Variants in KIF1A observed in about 807,000 individuals in gnomAD.
KIF1A encodes the protein kinesin-like protein KIF1A.
A neutral mutation model predicts 227.3 loss-of-function variants in KIF1A; 46 were observed. The ratio of observed to expected loss-of-function variants is 0.20; its 90% CI spans 0.16 to 0.26. The LOEUF is 0.26. KIF1A is among the 10% of genes least tolerant of loss of function. The pLI is 1.00. For synonymous variants in KIF1A, 1,022 were observed against 1,012.8 expected (o/e 1.01, Z -0.17); for missense variants, 1,683 against 2,485.9 (o/e 0.68, Z 6.87).
chr2:240,725,526 C>G lies in KIF1A; in HGVS notation c.4123-122G>C. Reference sequence around the variant, plus strand: ...AGGCAGCCCCAGGGCCTTCCCAGGGCCTCAGGTGTGGCCTGGACGCAGGCA... The same window carrying G: ...AGGCAGCCCCAGGGCCTTCCCAGGGGCTCAGGTGTGGCCTGGACGCAGGCA... On this transcript the variant is annotated intron_variant, in intron 39 of 48. Transcript: ENST00000498729. This position sits in a 1 kb window ranked among gnomAD's most constrained non-coding sequence, Gnocchi z 5.8. 9.0e-7 allele frequency: 1 copy of G among 1,106,304 alleles called. No individual in the cohort carries two copies. The highest frequency in any genetic ancestry group is 1.3e-6 in the Non-Finnish European group (1 of 779,074). The allele number at this position is 1,106,304 out of a possible 1,614,324, so 68.5% of individuals were successfully genotyped here. A position where few individuals can be genotyped will look rare whatever the true frequency, so the allele number is the denominator to read the frequency against.
At chr2:240,746,203 A>C (rs773191792) in intron 29 of KIF1A, 26 bp from the exon 30 acceptor site, 39 of 1,551,696 alleles carry the variant, frequency 2.5e-5, no homozygotes, top group Non-Finnish European at 3.2e-5. Context: ...CCAGAGTCAG[A>C]GAGAGCCAGG....
intron 10 of KIF1A, among the ~76,000 whole-genome samples, chr2:240,776,229 T>C (rs942552356): frequency 6.6e-6 from 1 of 152,314 alleles, no homozygotes; most frequent in Non-Finnish European, 1.5e-5. Flanking sequence ...GGAGTGCTGA[T>C]GTCACCAGCA....
Position 240,746,046 on chromosome 2 carries a change from G to A in KIF1A, c.3195C>T (p.Thr1065=). ...CTGGGGTGGGCGACCCACCTGAACA[G>A]GTGTTGTTGTTGACTTCATCGGCTG... The part of the protein sequence containing the change: ...GPSADEVNNN[T]CSAVPPEGLL... The change falls in exon 30 of 49, where the codon ACC becomes ACT. Residue 1065 remains threonine, a synonymous_variant. Coordinates refer to ENST00000498729, the MANE Select transcript of KIF1A (RefSeq NM_001244008.2). 6.2e-7 allele frequency: 1 copy of A among 1,607,860 alleles called. No individual in the cohort carries two copies. The highest frequency in any genetic ancestry group is 8.5e-7 in the Non-Finnish European group (1 of 1,177,620).
chr2:240,801,924 A>C (rs1276848418), intron 1 of KIF1A, among the ~76,000 whole-genome samples: 2 of 152,236 alleles, frequency 1.3e-5, no homozygotes, highest in Non-Finnish European at 1.5e-5. Context: ...GGGGAGAAGC[A>C]GTATTTACAA....
intron 1 of KIF1A, among the ~76,000 whole-genome samples, chr2:240,810,884 C>A (rs75196020): frequency 0.12 from 18,317 of 152,152 alleles, 1,472 homozygotes; most frequent in Non-Finnish European, 0.16. Context: ...TGTCCGTCTT[C>A]CTCCCCAGGG....
chr2:240,790,899 A>G lies in KIF1A; in HGVS notation c.107-1587T>C, dbSNP rs2055580793. 6.6e-6 allele frequency among the ~76,000 whole-genome samples: 1 copy of G among 152,156 alleles called. No homozygotes were observed. Among genetic ancestry groups the G allele is most frequent in the South Asian group, 2.1e-4 (1 of 4,824 alleles). On this transcript the variant is annotated intron_variant, in intron 2 of 48. Coordinates refer to ENST00000498729, the MANE Select transcript of KIF1A (RefSeq NM_001244008.2). This position sits in a 1 kb window ranked among gnomAD's most constrained non-coding sequence, Gnocchi z 5.0. The stretch of plus-strand genomic sequence containing the variant: ...CTTCTGGCCTCCAGAATCACGAGAC[A>G]GCACACTTCTGTTTGCGGTGCTTCC...
At chr2:240,796,902 G>A (rs530126093) in intron 2 of KIF1A, among the ~76,000 whole-genome samples, 4 of 152,228 alleles carry the variant, frequency 2.6e-5, no homozygotes, top group South Asian at 2.1e-4. Flanking sequence ...CCCTCGGGAC[G>A]CCCCCCTCCC....
chr2:240,762,640 C>A, intron 23 of KIF1A, 79 bp downstream of exon 23: 1 of 1,424,884 alleles, frequency 7.0e-7, no homozygotes, highest in South Asian at 1.6e-5. Context: ...CCAGTGACCT[C>A]CAGGGAGAGG....
At chr2:240,782,336 A>C (rs2054158640) in intron 10 of KIF1A, among the ~76,000 whole-genome samples, 2 of 146,892 alleles carry the variant, frequency 1.4e-5, no homozygotes, top group Non-Finnish European at 1.5e-5. Context: ...ACACTTTCCC[A>C]CCTCGGTGTC....
chr2:240,761,090 G>T (rs191065980), intron 24 of KIF1A, 139 bp downstream of exon 24: 6 of 1,088,500 alleles, frequency 5.5e-6, no homozygotes, highest in Admixed American at 2.2e-5. Context: ...CCTTCTGGGG[G>T]GCCAGGTCAG....
At chr2:240,745,713 G>A in intron 31 of KIF1A, 25 bp downstream of exon 31, 1 of 1,607,234 alleles carries the variant, frequency 6.2e-7, no homozygotes, top group Admixed American at 1.7e-5. Flanking sequence ...CGCAGCGCAG[G>A]GACACAAAGG....
rs1559487477 is a variant in KIF1A, at chr2:240,736,254, C to G, written c.4007+809G>C. Among the ~76,000 whole-genome samples, 1 of 152,168 alleles carries G rather than the reference C, an allele frequency of 6.6e-6. No individual in the cohort carries two copies. The highest frequency in any genetic ancestry group is 1.5e-5 in the Non-Finnish European group (1 of 68,016). On this transcript the variant is annotated intron_variant, in intron 38 of 48. Coordinates refer to ENST00000498729, the MANE Select transcript of KIF1A (RefSeq NM_001244008.2). This position sits in a 1 kb window ranked among gnomAD's most constrained non-coding sequence, Gnocchi z 4.7. ...GCCATGGAGACACCTGCGGCTTCAGCTCTGAGGGTCCACTCTGGGCTTGTG... is the reference window on the plus strand; with the variant it reads ...GCCATGGAGACACCTGCGGCTTCAGGTCTGAGGGTCCACTCTGGGCTTGTG...
chr2:240,758,851 G>A lies in KIF1A; in HGVS notation c.2445-354C>T, dbSNP rs1034425763. On this transcript the variant is annotated intron_variant, in intron 25 of 48. Coordinates refer to ENST00000498729, the MANE Select transcript of KIF1A (RefSeq NM_001244008.2). The surrounding 1 kb of genome is among the most constrained non-coding windows in gnomAD (Gnocchi z 5.2). ...GAGAACCCAAGTGAAGCTCAGAAAC[G>A]GGGATCAGGCCACAGAGGCGCAAGA... is the stretch of plus-strand genomic sequence containing the variant. Among the ~76,000 whole-genome samples, 4 of 152,184 alleles carry A rather than the reference G, an allele frequency of 2.6e-5. No homozygotes were observed. The highest frequency in any genetic ancestry group is 6.5e-5 in the Admixed American group (1 of 15,280).
intron 29 of KIF1A, among the ~76,000 whole-genome samples, 155 bp from the exon 30 acceptor site, chr2:240,746,332 G>T (rs1376824737): frequency 6.6e-6 from 1 of 152,194 alleles, no homozygotes; most frequent in Admixed American, 6.5e-5. Context: ...TGCCTTGTAG[G>T]GGGGCATCCA....
chr2:240,753,133 C>T (rs571232577), intron 27 of KIF1A, among the ~76,000 whole-genome samples: 4 of 152,346 alleles, frequency 2.6e-5, no homozygotes, highest in South Asian at 4.1e-4. Flanking sequence ...CCCAGGACCA[C>T]ACCCAGAGGG....
intron 46 of KIF1A, 112 bp downstream of exon 46, chr2:240,719,662 G>T: frequency 7.9e-7 from 1 of 1,262,032 alleles, no homozygotes; most frequent in Non-Finnish European, 1.1e-6. Flanking sequence ...CAACCTGTCT[G>T]TCTCCCCAAG....
rs1206956883 is a variant in KIF1A, at chr2:240,791,442, C to A, written c.107-2130G>T. 7.7e-5 allele frequency among the ~76,000 whole-genome samples: 11 copies of A among 143,282 alleles called. No individual in the cohort carries two copies. The South Asian group carries it at 1.1e-3, about 15-fold the overall frequency. The allele number at this position is 143,282 out of a possible 152,430, so 94.0% of individuals were successfully genotyped here. Reference sequence around the variant, plus strand: ...CCCACACCCCTTCCTGCCCCATCCACCCCCTCGCCTCACCCGGCTGCACTC... The same window carrying A: ...CCCACACCCCTTCCTGCCCCATCCAACCCCTCGCCTCACCCGGCTGCACTC... On this transcript the variant is annotated intron_variant, in intron 2 of 48. Coordinates refer to ENST00000498729, the MANE Select transcript of KIF1A (RefSeq NM_001244008.2).
At chr2:240,735,203 G>A (rs188354160) in intron 38 of KIF1A, among the ~76,000 whole-genome samples, 34 of 152,300 alleles carry the variant, frequency 2.2e-4, no homozygotes, top group Non-Finnish European at 4.6e-4. Flanking sequence ...CGGGGAGGCC[G>A]CGCCCACGCA....
chr2:240,744,608 G>T (rs1169968374), intron 32 of KIF1A, among the ~76,000 whole-genome samples: 1 of 152,216 alleles, frequency 6.6e-6, no homozygotes, highest in Non-Finnish European at 1.5e-5. Context: ...CACGCAGAGG[G>T]GGAGGGCCAT....
Sources: gnomAD v4.1 joint callset for allele counts (sites outside exome capture counted in the v4.1 genomes callset) on GRCh38, gnomAD v4.1.1 for gene constraint, Gnocchi (gnomAD v3.1) non-coding constraint, MANE v1.5 for transcripts, NCBI Gene and HGNC (gene_info 2026-07-23, HGNC 2026-07-21) for gene names.